Variants in HEATR5A observed in about 807,000 individuals in gnomAD.
HEATR5A encodes the protein HEAT repeat-containing protein 5A.
HEATR5A carries 178 observed loss-of-function variants against 218.8 expected under a neutral mutation model. The observed-to-expected ratio is 0.81, with a 90% CI of 0.72 to 0.92. HEATR5A has a LOEUF of 0.92. HEATR5A is among the 40% of genes least tolerant of loss of function. The probability of loss-of-function intolerance (pLI) is 0.00; values close to 1 mark genes in which losing one functional copy is unlikely to be tolerated. For missense variants in HEATR5A, 2,420 were observed against 2,418.9 expected (o/e 1.00, Z -0.01); for synonymous variants, 864 against 871.6 (o/e 0.99, Z 0.15).
chr14:31,326,409 C>T (rs1244985052), intron 22 of HEATR5A, 67 bp from the exon 23 acceptor site: 3 of 1,110,710 alleles, frequency 2.7e-6, no homozygotes, highest in African/African-American at 3.1e-5. Context: ...GAAGCTCACA[C>T]ATTCAGTAGT....
chr14:31,412,072 T>G (rs538353254), intron 1 of HEATR5A, among the ~76,000 whole-genome samples: 1 of 151,930 alleles, frequency 6.6e-6, no homozygotes, highest in East Asian at 2.0e-4. Context: ...ACCAGGCTGG[T>G]CTCGAACTCC....
intron 33 of HEATR5A, 153 bp downstream of exon 33, chr14:31,302,142 C>T (rs755653080): frequency 1.8e-4 from 111 of 620,558 alleles, no homozygotes; most frequent in Non-Finnish European, 2.9e-4. Context: ...AATTTTCTAT[C>T]TACTTATACA....
At chr14:31,373,996 T>C (rs1411591298) in intron 12 of HEATR5A, among the ~76,000 whole-genome samples, 2 of 152,268 alleles carry the variant, frequency 1.3e-5, no homozygotes, top group East Asian at 3.9e-4. Context: ...ATACAGTATA[T>C]AATATATACA....
At chr14:31,389,924 A>T (rs2030381161) in intron 6 of HEATR5A, among the ~76,000 whole-genome samples, 1 of 152,196 alleles carries the variant, frequency 6.6e-6, no homozygotes, top group Non-Finnish European at 1.5e-5. Context: ...TTAAACAGTG[A>T]TTAAAAACCA....
Position 31,323,759 on chromosome 14 carries a change from CCTT to C in HEATR5A, c.3590_3592del (p.Glu1197del), listed in dbSNP as rs760947081. On this transcript the variant is annotated inframe_deletion, in exon 24 of 36. Transcript: ENST00000543095. ...GACTGAGGCATCATCCCCTTTATCTCCTTCTTCTTCTTGCATTGTATCCACACA... is the reference window on the plus strand; with the variant it reads ...GACTGAGGCATCATCCCCTTTATCTCCTTCTTCTTGCATTGTATCCACACA... The C allele has an allele frequency of 2.9e-5, 46 of 1,605,614 alleles. No homozygotes were observed. The highest frequency in any genetic ancestry group is 4.5e-5 in the East Asian group (2 of 44,794).
At chr14:31,302,126 C>T (rs1426327277) in intron 33 of HEATR5A, 169 bp downstream of exon 33, 1 of 585,554 alleles carries the variant, frequency 1.7e-6, no homozygotes, top group Non-Finnish European at 3.0e-6. Flanking sequence ...GCCACTGCAC[C>T]CGGCCAATTT....
chr14:31,384,092 A>G (rs1193817113), intron 9 of HEATR5A, among the ~76,000 whole-genome samples: 1 of 152,188 alleles, frequency 6.6e-6, no homozygotes, highest in Non-Finnish European at 1.5e-5. Flanking sequence ...CTTCAGATCA[A>G]TTATTAATTT....
chr14:31,397,042 C>G (rs1040327672), intron 4 of HEATR5A, among the ~76,000 whole-genome samples: 1 of 152,090 alleles, frequency 6.6e-6, no homozygotes, highest in Non-Finnish European at 1.5e-5. Context: ...AATCTGTTCT[C>G]CTTAATCATT....
intron 1 of HEATR5A, among the ~76,000 whole-genome samples, chr14:31,417,619 A>T (rs2031496614): frequency 6.6e-6 from 1 of 150,488 alleles, no homozygotes; most frequent in Non-Finnish European, 1.5e-5. Context: ...GCGTGGTGGC[A>T]CGCGCCTATA....
chr14:31,347,870 G>T lies in HEATR5A; in HGVS notation c.2746C>A (p.His916Asn). 1 of 1,561,048 alleles carries T rather than the reference G, an allele frequency of 6.4e-7. No homozygotes were observed. Among genetic ancestry groups the T allele is most frequent in the African/African-American group, 1.4e-5 (1 of 73,146 alleles). ...TGTAGGGACCCCAAGGCCAATGAGTGTCCTGTTCTGGTAACCACATCCCTT... is the reference window on the plus strand; with the variant it reads ...TGTAGGGACCCCAAGGCCAATGAGTTTCCTGTTCTGGTAACCACATCCCTT... ...SARDVVTRTG[H>N]SLALGSLHRY... Residue 916 changes from histidine to asparagine, a missense_variant, in exon 19 of 36, where the codon CAC becomes AAC. By Grantham distance (68) the His-to-Asn change is moderately conservative. Coordinates refer to ENST00000543095, the MANE Select transcript of HEATR5A (RefSeq NM_015473.4).
intron 27 of HEATR5A, among the ~76,000 whole-genome samples, chr14:31,313,805 G>A (rs540180632): frequency 1.4e-4 from 21 of 152,284 alleles, no homozygotes; most frequent in Non-Finnish European, 2.2e-4. Context: ...AAACATTAAT[G>A]TGTTTGATTA....
intron 16 of HEATR5A, among the ~76,000 whole-genome samples, chr14:31,353,661 G>A (rs1734091087): frequency 6.6e-6 from 1 of 152,172 alleles, no homozygotes; most frequent in African/African-American, 2.4e-5. Flanking sequence ...GCTTGAGCTT[G>A]GGAGACTGAA....
intron 18 of HEATR5A, 128 bp downstream of exon 18, chr14:31,349,661 C>T (rs1169459873): frequency 1.6e-6 from 1 of 642,868 alleles, no homozygotes; most frequent in Admixed American, 3.1e-5. Flanking sequence ...CTTTAGCAGT[C>T]AACATTTGAC....
chr14:31,388,812 A>T (rs2030335909), intron 7 of HEATR5A, 33 bp downstream of exon 7: 1 of 1,573,246 alleles, frequency 6.4e-7, no homozygotes, highest in African/African-American at 1.3e-5. Context: ...GGCCAGTAAG[A>T]GTTAGACTGA....
intron 10 of HEATR5A, among the ~76,000 whole-genome samples, chr14:31,383,102 T>C (rs1034517590): frequency 2.0e-5 from 3 of 152,112 alleles, no homozygotes; most frequent in Middle Eastern, 3.2e-3. Context: ...AAAAGGAGGA[T>C]GTAAGTATTT....
chr14:31,367,598 T>TTA (rs1901852329), intron 13 of HEATR5A, among the ~76,000 whole-genome samples: 1 of 145,154 alleles, frequency 6.9e-6, no homozygotes, highest in South Asian at 2.2e-4. Context: ...TTTTTTTTTT[T>TTA]AGTACAGACG....
At chr14:31,418,993 T>C (rs944455111) in intron 1 of HEATR5A, among the ~76,000 whole-genome samples, 1 of 152,146 alleles carries the variant, frequency 6.6e-6, no homozygotes, top group Admixed American at 6.5e-5. Flanking sequence ...TAATTAATAA[T>C]TTAAGAATTA....
chr14:31,378,077 C>T (rs1335019207), intron 11 of HEATR5A, among the ~76,000 whole-genome samples: 1 of 152,176 alleles, frequency 6.6e-6, no homozygotes, highest in East Asian at 1.9e-4. Context: ...ATACGGCAGG[C>T]ATGAACACCC....
rs530934805 is a variant in HEATR5A, at chr14:31,397,654, G to A, written c.447+1019C>T. Among the ~76,000 whole-genome samples, 251 of 137,888 alleles carry A rather than the reference G, an allele frequency of 1.8e-3. 1 individual carries two copies. The highest frequency in any genetic ancestry group is 0.015 in the Middle Eastern group (4 of 268). 90.5% of individuals were successfully genotyped at this position (137,888 alleles called of 152,430 possible). A position where few individuals can be genotyped will look rare whatever the true frequency, so the allele number is the denominator to read the frequency against. ...AGCCTGGGTGACACAGCTAGACTCC[G>A]TCTCAAAAAAAAAAAAAAAAAAGGG... is the stretch of plus-strand genomic sequence containing the variant. On this transcript the variant is annotated intron_variant, in intron 4 of 35. Transcript: ENST00000543095.
Sources: allele counts gnomAD v4.1 joint callset (sites outside exome capture counted in the v4.1 genomes callset), GRCh38; gene constraint gnomAD v4.1.1; transcripts MANE v1.5; gene names NCBI Gene and HGNC (gene_info 2026-07-23, HGNC 2026-07-21).